The following ANO5 variants were observed in gnomAD, a reference collection of about 807,000 sequenced individuals.
ANO5 encodes the protein anoctamin-5.
ANO5 carries 109 observed loss-of-function variants against 121.0 expected under a neutral mutation model. The ratio of observed to expected loss-of-function variants is 0.90; its 90% CI spans 0.77 to 1.06. The LOEUF (loss-of-function observed/expected upper bound fraction) is 1.06. Among genes scored for constraint, ANO5 ranks in the 50% least tolerant of loss-of-function variants. The pLI is 0.00. For synonymous variants in ANO5, 406 were observed against 359.9 expected, an observed-to-expected ratio of 1.13 and a Z score of -1.45; for missense variants, 1,064 against 1,078.5, an observed-to-expected ratio of 0.99 and a Z score of 0.19.
intron 18 of ANO5, among the ~76,000 whole-genome samples, chr11:22,272,025 C>A (rs527630022): frequency 6.3e-4 from 95 of 151,978 alleles, no homozygotes; most frequent in East Asian, 7.7e-4. Flanking sequence ...AATTTTTTTC[C>A]TTTAATGGAA....
chr11:22,274,900 C>T (rs905362678), intron 20 of ANO5, among the ~76,000 whole-genome samples, 153 bp downstream of exon 20: 1 of 151,994 alleles, frequency 6.6e-6, no homozygotes, highest in Non-Finnish European at 1.5e-5. Flanking sequence ...AGAATTCACA[C>T]ATTGCATGAT....
At chr11:22,266,691 T>A (rs1854378217) in intron 17 of ANO5, among the ~76,000 whole-genome samples, 1 of 152,198 alleles carries the variant, frequency 6.6e-6, no homozygotes, top group Non-Finnish European at 1.5e-5. Context: ...TGGTTATATA[T>A]GTTGAAAATA....
chr11:22,201,074 C>T (rs1197771930), intron 1 of ANO5, among the ~76,000 whole-genome samples: 4 of 152,150 alleles, frequency 2.6e-5, no homozygotes, highest in Non-Finnish European at 4.4e-5. Flanking sequence ...TGCTAGATTA[C>T]TTATAATATG....
intron 9 of ANO5, among the ~76,000 whole-genome samples, chr11:22,240,108 A>G (rs537842594): frequency 1.3e-5 from 2 of 152,158 alleles, no homozygotes; most frequent in South Asian, 4.2e-4. Context: ...TGTTTAATAC[A>G]TATTAGTTTT....
chr11:22,271,933 T>A (rs1003085196), intron 18 of ANO5, among the ~76,000 whole-genome samples: 2 of 152,128 alleles, frequency 1.3e-5, no homozygotes, highest in Non-Finnish European at 2.9e-5. Context: ...TTTTTTTCAC[T>A]TGATAAGACG....
At chr11:22,239,995 TAAC>T (rs1218005614) in intron 9 of ANO5, among the ~76,000 whole-genome samples, 5 of 152,140 alleles carry the variant, frequency 3.3e-5, no homozygotes, top group African/African-American at 1.2e-4. Context: ...AAAATAGATA[TAAC>T]AATATTACTA....
intron 21 of ANO5, among the ~76,000 whole-genome samples, chr11:22,276,988 A>T (rs1430195307): frequency 6.6e-6 from 1 of 151,648 alleles, no homozygotes; most frequent in Non-Finnish European, 1.5e-5. Context: ...TGGGAAAAAA[A>T]CAAAAGAGCA....
intron 20 of ANO5, 63 bp from the exon 21 acceptor site, chr11:22,276,031 T>A: frequency 9.2e-7 from 1 of 1,088,260 alleles, no homozygotes. Flanking sequence ...TTATGTGAGG[T>A]CTCTCTAGTT....
Position 22,227,539 on chromosome 11 carries a change from A to C in ANO5, c.601A>C (p.Ile201Leu), listed in dbSNP as rs1460834095. The C allele has an allele frequency of 6.2e-7, 1 of 1,613,416 alleles. No individual in the cohort carries two copies. The highest frequency in any genetic ancestry group is 8.5e-7 in the Non-Finnish European group (1 of 1,179,738). ...FSRHRQELFL[I>L]EDQATFFPSS... ...CAGACATCGGCAGGAGCTCTTCCTC[A>C]TCGAAGATCAGGCAACCTTCTTTCC... The change falls in exon 7 of 22, where the codon ATC becomes CTC. Residue 201 changes from isoleucine (I) to leucine (L), a missense_variant. Coordinates refer to ENST00000324559, the MANE Select transcript of ANO5 (RefSeq NM_213599.3).
intron 2 of ANO5, among the ~76,000 whole-genome samples, chr11:22,209,070 G>A (rs928489108): frequency 6.6e-6 from 1 of 151,810 alleles, no homozygotes; most frequent in African/African-American, 2.4e-5. Flanking sequence ...ATGTTTTTAG[G>A]CTTTTACAAG....
At chr11:22,229,411 C>CT (rs1010889795) in intron 7 of ANO5, among the ~76,000 whole-genome samples, 2,693 of 150,414 alleles carry the variant, frequency 0.018, 84 homozygotes, top group African/African-American at 0.062. Flanking sequence ...AATGTTCTTC[C>CT]TTTTTTTTTA....
chr11:22,198,458 G>T (rs550753249), intron 1 of ANO5, among the ~76,000 whole-genome samples: 66 of 152,252 alleles, frequency 4.3e-4, no homozygotes, highest in African/African-American at 1.4e-3. Flanking sequence ...AATAATAGGA[G>T]GTAATCTGGG....
intron 3 of ANO5, among the ~76,000 whole-genome samples, chr11:22,212,535 C>T (rs1162205096): frequency 6.6e-6 from 1 of 151,758 alleles, no homozygotes; most frequent in South Asian, 2.1e-4. Context: ...TTGCCAAATT[C>T]CCCTGCCTTT....
intron 2 of ANO5, among the ~76,000 whole-genome samples, chr11:22,204,860 G>T (rs1352654582): frequency 1.3e-5 from 2 of 152,044 alleles, no homozygotes; most frequent in Non-Finnish European, 2.9e-5. Flanking sequence ...ATGCCCAAAG[G>T]AATACAAATC....
rs779249709 is a variant in ANO5, at chr11:22,274,695, G to C, written c.2362G>C (p.Asp788His). The C allele has an allele frequency of 5.0e-6, 8 of 1,613,448 alleles. No homozygotes were observed. The East Asian group carries it at 1.6e-4, about 31-fold the overall frequency. ...NNSLSVFLIA[D>H]FPNHTAPSEK... ...TAGCCTGTCAGTATTCCTGATAGCT[G>C]ATTTTCCAAACCACACTGCACCTTC... Residue 788 changes from aspartate (D) to histidine (H), a missense_variant, in exon 20 of 22, where the codon GAT becomes CAT. Physicochemically the swap from Asp to His is moderately conservative, Grantham distance 81. Coordinates refer to ENST00000324559, the MANE Select transcript of ANO5 (RefSeq NM_213599.3).
At chr11:22,198,887 A>G (rs1851885353) in intron 1 of ANO5, among the ~76,000 whole-genome samples, 1 of 152,304 alleles carries the variant, frequency 6.6e-6, no homozygotes, top group African/African-American at 2.4e-5. Context: ...TCATTCACAG[A>G]TCTAACGAGA....
intron 20 of ANO5, 73 bp downstream of exon 20, chr11:22,274,820 TTCTG>T: frequency 6.5e-7 from 1 of 1,531,624 alleles, no homozygotes; most frequent in Non-Finnish European, 8.9e-7. Flanking sequence ...TCTATTACCT[TTCTG>T]TCTTACAATA....
intron 20 of ANO5, among the ~76,000 whole-genome samples, chr11:22,275,309 G>GACAC (rs56171321): frequency 0.022 from 3,234 of 148,526 alleles, 92 homozygotes; most frequent in African/African-American, 0.059. Context: ...ACAATTTAAA[G>GACAC]ACACACACAC....
intron 5 of ANO5, among the ~76,000 whole-genome samples, chr11:22,224,344 C>CGA (rs1257386881): frequency 6.6e-6 from 1 of 152,030 alleles, no homozygotes; most frequent in Non-Finnish European, 1.5e-5. Context: ...TTCTGTATCT[C>CGA]ATACCTTCAA....
Sources: allele counts gnomAD v4.1 joint callset (sites outside exome capture counted in the v4.1 genomes callset), GRCh38; gene constraint gnomAD v4.1.1; transcripts MANE v1.5; gene names NCBI Gene and HGNC (gene_info 2026-07-23, HGNC 2026-07-21).